Variants in PDE1A observed in about 807,000 individuals in gnomAD.
The protein encoded by PDE1A is phosphodiesterase 1A, also known as dual specificity calcium/calmodulin-dependent 3',5'-cyclic nucleotide phosphodiesterase 1A.
In PDE1A, 35 loss-of-function variants were observed where a neutral mutation model predicts 61.7. That is an observed-to-expected ratio of 0.57 (90% CI 0.43 to 0.75). The LOEUF (loss-of-function observed/expected upper bound fraction) is 0.75. Ranked by LOEUF, PDE1A falls within the 30% of genes least tolerant of loss-of-function variation. The pLI is 0.00. For missense variants in PDE1A, 597 were observed against 630.6 expected, an observed-to-expected ratio of 0.95 and a Z score of 0.57; for synonymous variants, 232 against 213.2, an observed-to-expected ratio of 1.09 and a Z score of -0.77.
intron 2 of PDE1A, among the ~76,000 whole-genome samples, chr2:182,484,970 A>G (rs1687925766): frequency 6.6e-6 from 1 of 152,114 alleles, no homozygotes; most frequent in Admixed American, 6.6e-5. Context: ...TCCCTCCAAG[A>G]ACTAAAAGCA....
the PDE1A span, among the ~76,000 whole-genome samples, chr2:182,693,874 T>G: frequency 2.9e-4 from 44 of 152,260 alleles, no homozygotes; most frequent in Middle Eastern, 3.4e-3. Flanking sequence ...CTCAAACTCC[T>G]GACCTCAAGT....
At chr2:182,577,465 T>C in the PDE1A span, among the ~76,000 whole-genome samples, 1 of 152,228 alleles carries the variant, frequency 6.6e-6, no homozygotes, top group Admixed American at 6.5e-5. Context: ...TCTTAGATAT[T>C]GTATTCTTTG....
rs1034941456 is a variant in PDE1A, at chr2:182,497,262, C to T, written c.101+25014G>A. Reference sequence around the variant, plus strand: ...AAATCCAAGAGAATCAATTCGTTTTCGGGAGTGTGGAAACTAGGTGGAGGG... The same window carrying T: ...AAATCCAAGAGAATCAATTCGTTTTTGGGAGTGTGGAAACTAGGTGGAGGG... On this transcript the variant is annotated intron_variant, in intron 2 of 14. Transcript: ENST00000410103. Among the ~76,000 whole-genome samples the T allele has an allele frequency of 2.6e-4, 39 of 152,182 alleles. 1 individual carries two copies. The highest frequency in any genetic ancestry group is 2.5e-3 in the Admixed American group (39 of 15,296).
intron 2 of PDE1A, among the ~76,000 whole-genome samples, chr2:182,457,598 G>A (rs775501180): frequency 6.6e-5 from 10 of 151,998 alleles, no homozygotes; most frequent in Non-Finnish European, 1.5e-4. Flanking sequence ...TAATGCTGAT[G>A]TATGGTTTTG....
intron 1 of PDE1A, among the ~76,000 whole-genome samples, chr2:182,302,879 G>C (rs181151978): frequency 1.6e-3 from 247 of 152,180 alleles, no homozygotes; most frequent in Admixed American, 3.9e-3. Flanking sequence ...TCTTCACCAG[G>C]AGTAGATTCC....
chr2:182,262,444 T>C lies in PDE1A; in HGVS notation c.167+1857A>G, dbSNP rs563230051. On this transcript the variant is annotated intron_variant, in intron 2 of 13. Coordinates refer to ENST00000351439, the Ensembl canonical transcript of PDE1A. ...CAATGCCTGGCTAATTTTTGTGTTT[T>C]CTTGTAGAGATGAGGTTTTGCTATG... 6.6e-5 allele frequency among the ~76,000 whole-genome samples: 10 copies of C among 152,234 alleles called. No individual in the cohort carries two copies. The South Asian group carries it at 1.7e-3, about 25-fold the overall frequency.
chr2:182,209,937 T>C (rs1428322199), intron 7 of PDE1A, among the ~76,000 whole-genome samples: 3 of 152,204 alleles, frequency 2.0e-5, no homozygotes, highest in South Asian at 4.1e-4. Context: ...CTCAGTAATA[T>C]GCATTCATGT....
At chr2:182,468,104 T>C (rs1686791469) in intron 2 of PDE1A, among the ~76,000 whole-genome samples, 1 of 151,986 alleles carries the variant, frequency 6.6e-6, no homozygotes, top group Admixed American at 6.6e-5. Flanking sequence ...AGGACGGTGG[T>C]TGCTGAAAGT....
At chr2:182,663,154 T>A in the PDE1A span, among the ~76,000 whole-genome samples, 1 of 152,198 alleles carries the variant, frequency 6.6e-6, no homozygotes, top group African/African-American at 2.4e-5. Context: ...CCAGTTAGAA[T>A]GGCTATTACT....
chr2:182,531,718 T>C, the PDE1A span, among the ~76,000 whole-genome samples: 2 of 152,218 alleles, frequency 1.3e-5, no homozygotes, highest in African/African-American at 4.8e-5. Context: ...TTTTTTAATA[T>C]ACTTTAAGCT....
intron 10 of PDE1A, among the ~76,000 whole-genome samples, chr2:182,197,370 G>A (rs1311617552): frequency 6.6e-6 from 1 of 150,412 alleles, no homozygotes; most frequent in Non-Finnish European, 1.5e-5. Context: ...TTTCTTAGTA[G>A]TGCCTTTGGA....
intron 1 of PDE1A, among the ~76,000 whole-genome samples, chr2:182,375,378 G>C (rs1293513566): frequency 6.6e-6 from 1 of 152,188 alleles, no homozygotes; most frequent in Non-Finnish European, 1.5e-5. Context: ...GGTAAATAGA[G>C]CTGTTCCAAA....
At chr2:182,390,002 T>C (rs1223928034) in intron 1 of PDE1A, among the ~76,000 whole-genome samples, 1 of 152,178 alleles carries the variant, frequency 6.6e-6, no homozygotes, top group African/African-American at 2.4e-5. Flanking sequence ...GGCTGATCTG[T>C]CAGCTTCCCT....
At chr2:182,336,997 A>T (rs1003042105) in intron 1 of PDE1A, among the ~76,000 whole-genome samples, 2 of 152,010 alleles carry the variant, frequency 1.3e-5, no homozygotes, top group Non-Finnish European at 2.9e-5. Flanking sequence ...TAAAAATAAA[A>T]GTCCCTATGA....
intron 1 of PDE1A, among the ~76,000 whole-genome samples, chr2:182,376,415 C>T (rs1203373267): frequency 6.6e-6 from 1 of 152,180 alleles, no homozygotes; most frequent in African/African-American, 2.4e-5. Flanking sequence ...AGTCTCTTTG[C>T]TAAGACATAA....
At chr2:182,699,395 G>T in the PDE1A span, among the ~76,000 whole-genome samples, 1 of 152,168 alleles carries the variant, frequency 6.6e-6, no homozygotes, top group Non-Finnish European at 1.5e-5. Context: ...TTTGGTTTCG[G>T]AAAATTGATT....
intron 2 of PDE1A, among the ~76,000 whole-genome samples, chr2:182,515,233 A>G (rs778674302): frequency 2.0e-5 from 3 of 152,194 alleles, no homozygotes; most frequent in Non-Finnish European, 1.5e-5. Context: ...TTCTTACTGC[A>G]TATTAACTTG....
intron 1 of PDE1A, among the ~76,000 whole-genome samples, chr2:182,352,957 C>T (rs1467756178): frequency 6.6e-6 from 1 of 151,986 alleles, no homozygotes; most frequent in Non-Finnish European, 1.5e-5. Flanking sequence ...CATAAAAATT[C>T]AATACTTTAA....
intron 7 of PDE1A, among the ~76,000 whole-genome samples, chr2:182,210,253 C>T (rs774999861): frequency 1.3e-5 from 2 of 152,136 alleles, no homozygotes; most frequent in African/African-American, 2.4e-5. Context: ...AGTTTTCATG[C>T]CTACTAGCAA....
Sources: gnomAD v4.1 joint callset for allele counts (sites outside exome capture counted in the v4.1 genomes callset) on GRCh38, gnomAD v4.1.1 for gene constraint, MANE v1.5 for transcripts, NCBI Gene and HGNC (gene_info 2026-07-23, HGNC 2026-07-21) for gene names.